EXD1: variants seen among roughly 807,000 people sequenced by gnomAD.
The protein encoded by EXD1 is piRNA biogenesis protein EXD1.
EXD1 carries 63 observed loss-of-function variants against 49.1 expected under a neutral mutation model. The observed-to-expected ratio is 1.28, with a 90% CI of 1.05 to 1.58. The LOEUF is 1.58. Among genes scored for constraint, EXD1 ranks in the 40% most tolerant of loss-of-function variants. The pLI, the probability that EXD1 is intolerant of heterozygous loss-of-function variation, is 0.00. For missense variants in EXD1, 748 were observed against 666.0 expected (o/e 1.12, Z -1.36); for synonymous variants, 234 against 239.2 (o/e 0.98, Z 0.20).
At chr15:41,213,566 A>G (rs2046955021) in intron 6 of EXD1, among the ~76,000 whole-genome samples, 1 of 149,370 alleles carries the variant, frequency 6.7e-6, no homozygotes, top group Non-Finnish European at 1.5e-5. Context: ...CCCAGGCTGG[A>G]GTATAGTGGC....
At chr15:41,199,753 A>AATATATCATATATG (rs1326775145) in intron 7 of EXD1, among the ~76,000 whole-genome samples, 36,006 of 94,472 alleles carry the variant, frequency 0.38, 10,528 homozygotes, top group East Asian at 0.67. Flanking sequence ...TATATTATAT[A>AATATATCATATATG]TGATACATAT....
intron 7 of EXD1, among the ~76,000 whole-genome samples, chr15:41,199,816 TA>T (rs1566980922): frequency 0.036 from 216 of 6,034 alleles, no homozygotes; most frequent in Admixed American, 0.066. Context: ...ATATGTCATA[TA>T]TAGATATATG....
rs2046974249 is a variant in EXD1 at position 41,214,665 on chromosome 15, G to A, written c.447+1110C>T. 2.0e-5 allele frequency among the ~76,000 whole-genome samples: 3 copies of A among 152,102 alleles called. No individual in the cohort carries two copies. In the South Asian group the frequency reaches 6.2e-4, roughly 32 times the overall value. On this transcript the variant is annotated intron_variant, in intron 6 of 11. Coordinates refer to ENST00000458580, the MANE Select transcript of EXD1 (RefSeq NM_001286441.2). ...TTCTTCACTGTGGTCCTGTCACACT[G>A]ACCTCCCTGCTGTTCCTCCACACAA...
intron 7 of EXD1, among the ~76,000 whole-genome samples, chr15:41,207,596 G>GT (rs989305452): frequency 6.6e-5 from 10 of 151,224 alleles, no homozygotes; most frequent in East Asian, 1.9e-4. Flanking sequence ...GGAGTGGAGG[G>GT]TTTTTTTTTC....
At chr15:41,187,459 C>A (rs2046430280) in intron 11 of EXD1, among the ~76,000 whole-genome samples, 1 of 152,084 alleles carries the variant, frequency 6.6e-6, no homozygotes, top group Non-Finnish European at 1.5e-5. Flanking sequence ...GTTTTGGTAT[C>A]CATGGGGGGA....
chr15:41,190,061 G>A lies in EXD1; in HGVS notation c.932C>T (p.Ala311Val). 2 of 1,614,216 alleles carry A rather than the reference G, an allele frequency of 1.2e-6. No individual in the cohort carries two copies. Among genetic ancestry groups the A allele is most frequent in the East Asian group, 2.2e-5 (1 of 44,884 alleles). The change falls in exon 11 of 12, where the codon GCT (alanine) becomes GTT (valine). Residue 311 changes from alanine to valine, a missense_variant. Physicochemically the swap from Ala to Val is moderately conservative, Grantham distance 64. Coordinates refer to ENST00000458580, the MANE Select transcript of EXD1 (RefSeq NM_001286441.2). ...CAAGCGAAGGGGTAACAGGTAGGTA[G>A]CTTCCAGGGCCAAAATTTTCAGTAA... is the stretch of plus-strand genomic sequence containing the variant. ...PSLLKILALE[A>V]TYLLPLRLAL... is the part of the protein sequence containing the mutation.
In EXD1 at chr15:41,226,556, T is replaced by C. The variant is rs899547454; in HGVS notation, c.20A>G (p.Tyr7Cys). Residue 7 changes from tyrosine (Y) to cysteine (C), a missense_variant, in exon 2 of 12, where the codon TAC becomes TGC. By Grantham distance (194) the Tyr-to-Cys change is radical (BLOSUM62 -2). Transcript: ENST00000458580. ...CCACAAAATCTGGCTGAGGAAATGG[T>C]AGTCACTGCTGGGGTCCATGCTAAT... is the stretch of plus-strand genomic sequence containing the variant. The part of the protein sequence containing the change: MDPSSD[Y>C]HFLSQILWKR... 2.6e-6 allele frequency: 4 copies of C among 1,535,972 alleles called. No individual in the cohort carries two copies. The Admixed American group carries it at 5.9e-5, about 23-fold the overall frequency.
intron 11 of EXD1, among the ~76,000 whole-genome samples, chr15:41,186,470 C>CAAAAAAAAAAAAAAAAAAAA (rs58793050): frequency 7.3e-5 from 5 of 68,278 alleles, no homozygotes; most frequent in Non-Finnish European, 1.1e-4. Context: ...GACTCTGTCT[C>CAAAAAAAAAAAAAAAAAAAA]AAAAAAAAAA....
chr15:41,215,737 T>A, intron 6 of EXD1, 38 bp downstream of exon 6: 1 of 1,581,056 alleles, frequency 6.3e-7, no homozygotes, highest in Non-Finnish European at 8.7e-7. Context: ...GATACCTACA[T>A]ACAGGCAATA....
At chr15:41,200,879 ATT>A (rs202230273) in intron 7 of EXD1, among the ~76,000 whole-genome samples, 3 of 145,090 alleles carry the variant, frequency 2.1e-5, no homozygotes, top group African/African-American at 7.5e-5. Flanking sequence ...AGAATGTTCT[ATT>A]TTTTTTTTTT....
At chr15:41,186,922 G>C (rs1351724410) in intron 11 of EXD1, among the ~76,000 whole-genome samples, 1 of 138,080 alleles carries the variant, frequency 7.2e-6, no homozygotes, top group Admixed American at 7.8e-5. Context: ...ATGGAGTTTC[G>C]AGCCCAGGCT....
intron 7 of EXD1, among the ~76,000 whole-genome samples, chr15:41,200,911 G>T (rs1468390635): frequency 6.6e-6 from 1 of 150,862 alleles, no homozygotes; most frequent in Admixed American, 6.6e-5. Context: ...GTCTTGCTCT[G>T]TCGCCAGGCT....
intron 7 of EXD1, among the ~76,000 whole-genome samples, chr15:41,201,833 T>G (rs575678727): frequency 5.9e-4 from 89 of 152,104 alleles, no homozygotes; most frequent in African/African-American, 2.0e-3. Context: ...CATAGCTGGA[T>G]GATCTACTAA....
At chr15:41,206,710 C>T (rs1450341946) in intron 7 of EXD1, among the ~76,000 whole-genome samples, 1 of 147,898 alleles carries the variant, frequency 6.8e-6, no homozygotes, top group East Asian at 2.1e-4. Context: ...AAACCTCCTC[C>T]TCCCAGGTCC....
intron 9 of EXD1, among the ~76,000 whole-genome samples, chr15:41,193,053 G>A (rs1193689274): frequency 1.3e-5 from 2 of 151,892 alleles, no homozygotes; most frequent in African/African-American, 4.8e-5. Flanking sequence ...CAAAGTGCTG[G>A]GATTACAAGT....
intron 1 of EXD1, 30 bp downstream of exon 1, chr15:41,230,449 A>G: frequency 6.2e-7 from 1 of 1,604,202 alleles, no homozygotes; most frequent in Non-Finnish European, 8.5e-7. Flanking sequence ...TTTTTAAGAC[A>G]AAATAAGGAA....
intron 11 of EXD1, among the ~76,000 whole-genome samples, chr15:41,186,244 G>T (rs1006267191): frequency 6.6e-6 from 1 of 151,996 alleles, no homozygotes; most frequent in Non-Finnish European, 1.5e-5. Flanking sequence ...GGCTGAGGTG[G>T]GTGGATCACT....
intron 7 of EXD1, among the ~76,000 whole-genome samples, chr15:41,202,777 G>T (rs773262807): frequency 5.9e-5 from 9 of 152,008 alleles, no homozygotes; most frequent in Admixed American, 2.0e-4. Context: ...AATTAGCCAG[G>T]CCCAGTGGTG....
chr15:41,215,922 T>C, intron 5 of EXD1, 89 bp from the exon 6 acceptor site: 2 of 1,311,536 alleles, frequency 1.5e-6, no homozygotes, highest in Admixed American at 3.4e-5. Flanking sequence ...CATATATTCC[T>C]ACTGTATTGC....
Sources: gnomAD v4.1 joint callset for allele counts (sites outside exome capture counted in the v4.1 genomes callset) on GRCh38, gnomAD v4.1.1 for gene constraint, MANE v1.5 for transcripts, NCBI Gene and HGNC (gene_info 2026-07-23, HGNC 2026-07-21) for gene names.